Variants in TRAPPC13 observed in about 807,000 individuals in gnomAD.
The protein encoded by TRAPPC13 is trafficking protein particle complex subunit 13.
In TRAPPC13, 39 loss-of-function variants were observed where a neutral mutation model predicts 54.0. The ratio of observed to expected loss-of-function variants is 0.72; its 90% confidence interval spans 0.56 to 0.94. The LOEUF is 0.94. Ranked by LOEUF, TRAPPC13 falls within the 40% of genes least tolerant of loss-of-function variation. The pLI is 0.00. For synonymous variants in TRAPPC13, 148 were observed against 167.7 expected (o/e 0.88, Z 0.91); for missense variants, 386 against 488.1 (o/e 0.79, Z 1.97).
At chr5:65,643,818 G>GAAAAAA (rs529875913) in intron 4 of TRAPPC13, among the ~76,000 whole-genome samples, 1 of 50,004 alleles carries the variant, frequency 2.0e-5, no homozygotes. Flanking sequence ...CTCCGTCTCA[G>GAAAAAA]AAAAAAAAAA....
intron 4 of TRAPPC13, among the ~76,000 whole-genome samples, chr5:65,645,675 A>C (rs973182160): frequency 6.6e-6 from 1 of 151,652 alleles, no homozygotes; most frequent in Non-Finnish European, 1.5e-5. Context: ...GTGGTGGTGC[A>C]TGCCTGTAAT....
At chr5:65,646,856 TG>T (rs1027066209) in intron 4 of TRAPPC13, among the ~76,000 whole-genome samples, 198 bp from the exon 5 acceptor site, 3 of 151,752 alleles carry the variant, frequency 2.0e-5, no homozygotes, top group African/African-American at 4.8e-5. Context: ...TTTATTTTTT[TG>T]GGGTTGGGGG....
chr5:65,661,010 T>A, intron 10 of TRAPPC13, 113 bp downstream of exon 10: 1 of 786,164 alleles, frequency 1.3e-6, no homozygotes, highest in Non-Finnish European at 2.0e-6. Context: ...TAAAAGGCAT[T>A]ACTACTACTG....
chr5:65,647,957 C>T (rs1756276528), intron 5 of TRAPPC13, among the ~76,000 whole-genome samples: 1 of 152,114 alleles, frequency 6.6e-6, no homozygotes, highest in Non-Finnish European at 1.5e-5. Context: ...TGGAGTCAGA[C>T]TTCCCAGAAT....
Position 65,658,495 on chromosome 5 carries a change from G to T in TRAPPC13, c.692G>T (p.Gly231Val). Residue 231 changes from glycine (G) to valine (V), a missense_variant, in exon 9 of 13, where the codon GGA becomes GTA. Transcript: ENST00000399438. ...GAATTAAATTCAGTCAGCCAAGCTG[G>T]AGAATGGTAAATATTAATTTATGAA... Reference protein sequence around the residue: ...VTELNSVSQAGECVSTFGSRA... With the variant: ...VTELNSVSQAVECVSTFGSRA... The T allele has an allele frequency of 6.4e-7, 1 of 1,562,388 alleles. No individual in the cohort carries two copies. Among genetic ancestry groups the T allele is most frequent in the East Asian group, 2.3e-5 (1 of 43,114 alleles).
Position 65,630,524 on chromosome 5 carries a change from T to C in TRAPPC13, c.47-4777T>C, listed in dbSNP as rs1755496806. The C allele has an allele frequency of 8.5e-6, 11 of 1,294,496 alleles. No homozygotes were observed. In the South Asian group the frequency reaches 2.2e-4, roughly 26 times the overall value. 80.2% of individuals were successfully genotyped at this position (1,294,496 alleles called of 1,614,324 possible). A position where few individuals can be genotyped will look rare whatever the true frequency, so the allele number is the denominator to read the frequency against. On this transcript the variant is annotated intron_variant, in intron 1 of 12. Transcript: ENST00000399438. ...GCCTTCTTTTAAATGTGATAAATTA[T>C]TGTTTACACTGAATTTGAAGGTAAA... is the stretch of plus-strand genomic sequence containing the variant.
intron 1 of TRAPPC13, among the ~76,000 whole-genome samples, chr5:65,626,652 C>A (rs1330228975): frequency 6.6e-6 from 1 of 151,626 alleles, no homozygotes; most frequent in Non-Finnish European, 1.5e-5. Flanking sequence ...AGGAGAATGG[C>A]GTGAACCCGG....
At chr5:65,633,333 T>C (rs1452650928) in intron 1 of TRAPPC13, among the ~76,000 whole-genome samples, 1 of 151,902 alleles carries the variant, frequency 6.6e-6, no homozygotes, top group Non-Finnish European at 1.5e-5. Context: ...CAGGCTGGAG[T>C]GCAGTGGGCG....
In TRAPPC13 at chr5:65,658,718, TTTTA is replaced by T. The variant is rs745951858; in HGVS notation, c.698+241_698+244del. 4.5e-4 allele frequency among the ~76,000 whole-genome samples: 68 copies of T among 151,190 alleles called. 1 individual carries two copies. Among genetic ancestry groups the T allele is most frequent in the South Asian group, 2.3e-3 (11 of 4,806 alleles). ...GTCTTGTTTTTTATTTTATTTTTATTTTTATTTATTTATTTATTTATTTATTTTT... is the reference window on the plus strand; with the variant it reads ...GTCTTGTTTTTTATTTTATTTTTATTTTTATTTATTTATTTATTTATTTTT... On this transcript the variant is annotated intron_variant, in intron 9 of 12. Coordinates refer to ENST00000399438, the MANE Select transcript of TRAPPC13 (RefSeq NM_024941.4).
Position 65,658,192 on chromosome 5 carries a change from AT to A in TRAPPC13, c.565-174del, listed in dbSNP as rs754623512. On this transcript the variant is annotated intron_variant, in intron 8 of 12. Coordinates refer to ENST00000399438, the MANE Select transcript of TRAPPC13 (RefSeq NM_024941.4). ...CTAACACTTGACTTTGCCCCTGTTA[AT>A]TATGATAGGGTGAAGATTTCTTTTC... The A allele has an allele frequency of 3.1e-4, 167 of 536,888 alleles. 1 individual carries two copies. Among genetic ancestry groups the A allele is most frequent in the Non-Finnish European group, 4.6e-4 (151 of 328,198 alleles). 33.3% of individuals were successfully genotyped at this position (536,888 alleles called of 1,614,324 possible). A position where few individuals can be genotyped will look rare whatever the true frequency, so the allele number is the denominator to read the frequency against.
intron 10 of TRAPPC13, 21 bp from the exon 11 acceptor site, chr5:65,662,029 C>T: frequency 1.3e-6 from 2 of 1,561,814 alleles, no homozygotes; most frequent in Non-Finnish European, 1.7e-6. Context: ...TATACATTAA[C>T]TGTGTTGCTT....
chr5:65,664,128 A>G, intron 11 of TRAPPC13, 109 bp from the exon 12 acceptor site: 1 of 1,114,218 alleles, frequency 9.0e-7, no homozygotes, highest in Non-Finnish European at 1.3e-6. Context: ...TCTGGTTTTT[A>G]TTCTCCTGGA....
intron 1 of TRAPPC13, among the ~76,000 whole-genome samples, chr5:65,628,868 G>C (rs1405706573): frequency 6.6e-6 from 1 of 151,090 alleles, no homozygotes; most frequent in Non-Finnish European, 1.5e-5. Flanking sequence ...CTATCGCCCA[G>C]GCTGAGTGGC....
chr5:65,630,487 T>C, intron 1 of TRAPPC13: 4 of 1,379,290 alleles, frequency 2.9e-6, no homozygotes, highest in Non-Finnish European at 2.8e-6. Flanking sequence ...TGCTGAGTTC[T>C]GCTTATTGGC....
intron 6 of TRAPPC13, among the ~76,000 whole-genome samples, 170 bp downstream of exon 6, chr5:65,651,052 A>T (rs573001250): frequency 6.6e-6 from 1 of 152,338 alleles, no homozygotes; most frequent in South Asian, 2.1e-4. Flanking sequence ...AATTAAGGTG[A>T]ATAAAAGCAG....
chr5:65,637,289 G>A (rs1490052183), intron 3 of TRAPPC13, among the ~76,000 whole-genome samples: 2 of 152,216 alleles, frequency 1.3e-5, no homozygotes, highest in South Asian at 4.1e-4. Context: ...CTATCCTTCA[G>A]TAAATGTTTC....
intron 9 of TRAPPC13, 32 bp downstream of exon 9, chr5:65,658,533 G>T (rs759264849): frequency 1.1e-5 from 16 of 1,469,244 alleles, no homozygotes; most frequent in Admixed American, 4.8e-5. Flanking sequence ...CTTTATCCTT[G>T]TTTTGAAAGA....
intron 7 of TRAPPC13, among the ~76,000 whole-genome samples, chr5:65,653,369 T>G (rs1756542883): frequency 6.6e-6 from 1 of 152,142 alleles, no homozygotes; most frequent in African/African-American, 2.4e-5. Context: ...GATCAGACAT[T>G]TTTAATCACA....
chr5:65,646,944 A>G, intron 4 of TRAPPC13, 111 bp from the exon 5 acceptor site: 1 of 1,039,620 alleles, frequency 9.6e-7, no homozygotes. Context: ...TCCCCCTTTC[A>G]TCCTTCTTTC....
Sources: allele counts gnomAD v4.1 joint callset (sites outside exome capture counted in the v4.1 genomes callset), GRCh38; gene constraint gnomAD v4.1.1; transcripts MANE v1.5; gene names NCBI Gene and HGNC (gene_info 2026-07-23, HGNC 2026-07-21).